The following GRIK2 variants were observed in gnomAD, a reference collection of about 807,000 sequenced individuals.
GRIK2 encodes glutamate ionotropic receptor kainate type subunit 2, also known as glutamate receptor ionotropic, kainate 2.
A neutral mutation model predicts 100.3 loss-of-function variants in GRIK2; 32 were observed. That is an observed-to-expected ratio of 0.32 (90% CI 0.24 to 0.43). The LOEUF is 0.43. Ranked by LOEUF, GRIK2 falls within the 20% of genes least tolerant of loss-of-function variation. The pLI is 1.00. For missense variants in GRIK2, 843 were observed against 1,114.9 expected (o/e 0.76, Z 3.47); for synonymous variants, 417 against 389.4 (o/e 1.07, Z -0.83).
intron 7 of GRIK2, among the ~76,000 whole-genome samples, chr6:101,739,450 G>A (rs1337423): frequency 0.049 from 7,485 of 152,134 alleles, 358 homozygotes; most frequent in African/African-American, 0.12. Flanking sequence ...AGCAGTGGAC[G>A]GTGAGTAGCA....
intron 4 of GRIK2, among the ~76,000 whole-genome samples, chr6:101,663,932 A>C (rs915286730): frequency 6.6e-6 from 1 of 152,152 alleles, no homozygotes; most frequent in African/African-American, 2.4e-5. Flanking sequence ...AGGCCTTCCT[A>C]GGATACTGAC....
chr6:101,890,083 T>C (rs1786943834), intron 12 of GRIK2: 1 of 458,178 alleles, frequency 2.2e-6, no homozygotes, highest in South Asian at 4.2e-5. Flanking sequence ...CTATAAGTGT[T>C]ATAGGGATTA....
At chr6:101,418,626 G>C (rs1021701253) in intron 2 of GRIK2, among the ~76,000 whole-genome samples, 6 of 152,144 alleles carry the variant, frequency 3.9e-5, no homozygotes, top group African/African-American at 1.4e-4. Context: ...GGGGCTTTCT[G>C]TGAGGGTGAT....
At chr6:101,656,134 C>T (rs2128331054) in intron 4 of GRIK2, among the ~76,000 whole-genome samples, 1 of 151,980 alleles carries the variant, frequency 6.6e-6, no homozygotes, top group South Asian at 2.1e-4. Flanking sequence ...GAGACCCCAT[C>T]TCTACTAAAA....
intron 7 of GRIK2, among the ~76,000 whole-genome samples, chr6:101,723,855 C>A (rs989466123): frequency 1.6e-4 from 24 of 152,114 alleles, no homozygotes; most frequent in African/African-American, 5.5e-4. Context: ...GGAGGAAATT[C>A]TCAAAGATAA....
chr6:101,791,580 T>A (rs1779859381), intron 7 of GRIK2, among the ~76,000 whole-genome samples: 1 of 150,114 alleles, frequency 6.7e-6, no homozygotes, highest in Non-Finnish European at 1.5e-5. Flanking sequence ...AGACAGTTTG[T>A]TATAATTTCT....
chr6:101,566,105 G>A (rs538011069), intron 2 of GRIK2, among the ~76,000 whole-genome samples: 1 of 151,492 alleles, frequency 6.6e-6, no homozygotes, highest in African/African-American at 2.4e-5. Context: ...GAAGAGGAGG[G>A]GTTGGTCTTG....
At chr6:102,017,158 GT>G (rs1326581736) in intron 14 of GRIK2, among the ~76,000 whole-genome samples, 14 of 152,290 alleles carry the variant, frequency 9.2e-5, no homozygotes, top group African/African-American at 3.4e-4. Context: ...ACAATTGCTA[GT>G]CACTACAAAA....
At chr6:101,795,019 A>G (rs1583167675) in intron 7 of GRIK2, among the ~76,000 whole-genome samples, 1 of 151,852 alleles carries the variant, frequency 6.6e-6, no homozygotes, top group Admixed American at 6.6e-5. Flanking sequence ...GCCCACAGCT[A>G]CCATGACCCA....
At chr6:101,481,823 A>G (rs1204041991) in intron 2 of GRIK2, among the ~76,000 whole-genome samples, 1 of 152,056 alleles carries the variant, frequency 6.6e-6, no homozygotes, top group Non-Finnish European at 1.5e-5. Context: ...TGTCAAGGGG[A>G]GGCCAGGTGG....
rs1424621521 is a variant in GRIK2, at chr6:101,601,530, A to G, written c.116-20419A>G. On this transcript the variant is annotated intron_variant, in intron 2 of 16. Transcript: ENST00000369134. ...ATTAGTACCAGCCCTTCTTTTTACA[A>G]CTGATAGAATTTGGCTGTAAAGCCA... 5.3e-5 allele frequency among the ~76,000 whole-genome samples: 8 copies of G among 151,806 alleles called. No individual in the cohort carries two copies. The East Asian group carries it at 1.2e-3, about 22-fold the overall frequency.
chr6:101,500,365 A>AT (rs1031910567), intron 2 of GRIK2, among the ~76,000 whole-genome samples: 5 of 152,014 alleles, frequency 3.3e-5, no homozygotes, highest in Non-Finnish European at 4.4e-5. Context: ...TGAATAAGAT[A>AT]TTTTTTTAAA....
chr6:101,589,721 T>C (rs1162540789), intron 2 of GRIK2, among the ~76,000 whole-genome samples: 1 of 152,092 alleles, frequency 6.6e-6, no homozygotes, highest in Admixed American at 6.5e-5. Context: ...TTTTGAGAAC[T>C]GGTTTACTAG....
At chr6:101,839,971 C>CT (rs1783394695) in intron 10 of GRIK2, among the ~76,000 whole-genome samples, 1 of 151,930 alleles carries the variant, frequency 6.6e-6, no homozygotes, top group South Asian at 2.1e-4. Flanking sequence ...AATGTTCTGG[C>CT]TTGGAGATAA....
Position 101,664,990 on chromosome 6 carries a change from G to C in GRIK2, c.542-11633G>C, listed in dbSNP as rs368784040. Among the ~76,000 whole-genome samples the C allele has an allele frequency of 9.3e-4, 142 of 152,286 alleles. No homozygotes were observed. The East Asian group carries it at 0.021, about 22-fold the overall frequency. On this transcript the variant is annotated intron_variant, in intron 4 of 16. Transcript: ENST00000369134. ...TACCTCCCACTGGGCCCCTCGCATG[G>C]CATGTGGAGATCAGGAAAGCTACAA...
intron 2 of GRIK2, among the ~76,000 whole-genome samples, chr6:101,458,750 T>A (rs953774097): frequency 4.6e-5 from 7 of 152,184 alleles, no homozygotes; most frequent in African/African-American, 7.2e-5. Context: ...TGAATTGGGC[T>A]CCTCGTGAAG....
intron 2 of GRIK2, among the ~76,000 whole-genome samples, chr6:101,538,023 C>T (rs188804919): frequency 6.6e-6 from 1 of 151,714 alleles, no homozygotes; most frequent in South Asian, 2.1e-4. Flanking sequence ...GCCATAGAAA[C>T]AAGAATGTAT....
chr6:101,863,501 C>T (rs1003196936), intron 11 of GRIK2, among the ~76,000 whole-genome samples: 3 of 152,200 alleles, frequency 2.0e-5, no homozygotes, highest in Non-Finnish European at 4.4e-5. Context: ...ACCTCTGGCA[C>T]TTAATCATAG....
chr6:101,738,528 G>C (rs1367158173), intron 7 of GRIK2, among the ~76,000 whole-genome samples: 1 of 152,030 alleles, frequency 6.6e-6, no homozygotes, highest in Non-Finnish European at 1.5e-5. Flanking sequence ...TATCTTCACA[G>C]CTTTTTTTAT....
Sources: allele counts gnomAD v4.1 joint callset (sites outside exome capture counted in the v4.1 genomes callset), GRCh38; gene constraint gnomAD v4.1.1; transcripts MANE v1.5; gene names NCBI Gene and HGNC (gene_info 2026-07-23, HGNC 2026-07-21).